The following SYK variants were observed in gnomAD, a reference collection of about 807,000 sequenced individuals.
SYK encodes spleen associated tyrosine kinase, also known as tyrosine-protein kinase SYK.
SYK carries 16 observed loss-of-function variants against 77.8 expected under a neutral mutation model. That is an observed-to-expected ratio of 0.21 (90% CI 0.14 to 0.31). The LOEUF (loss-of-function observed/expected upper bound fraction) is 0.31, where lower values mean the gene tolerates loss of function less well. SYK is among the 10% of genes least tolerant of loss of function. The probability of loss-of-function intolerance (pLI) is 1.00; values close to 1 mark genes in which losing one functional copy is unlikely to be tolerated. For missense variants in SYK, 529 were observed against 814.4 expected (o/e 0.65, Z 4.26); for synonymous variants, 312 against 308.7 (o/e 1.01, Z -0.11).
intron 1 of SYK, among the ~76,000 whole-genome samples, chr9:90,805,491 A>G (rs2613308): frequency 0.42 from 63,210 of 151,872 alleles, 13,836 homozygotes; most frequent in East Asian, 0.61. Flanking sequence ...ACTGTGAACT[A>G]GGGAGAGAAA....
At position 90,864,684 on chromosome 9, in the gene SYK, C is replaced by A. The variant is rs748869722; in HGVS notation, c.796+17C>A. Reference sequence around the variant, plus strand: ...GCACACAGGGTGAGTTCCCAAGACACTGGAGTCTCAGTGTTTGAGGTATCA... The same window carrying A: ...GCACACAGGGTGAGTTCCCAAGACAATGGAGTCTCAGTGTTTGAGGTATCA... On this transcript the variant is annotated intron_variant, in intron 5 of 13. Transcript: ENST00000375754. 6.2e-7 allele frequency: 1 copy of A among 1,607,922 alleles called. No individual in the cohort carries two copies. The highest frequency in any genetic ancestry group is 1.7e-5 in the Admixed American group (1 of 60,008).
intron 2 of SYK, 76 bp from the exon 3 acceptor site, chr9:90,845,358 T>C: frequency 6.7e-7 from 1 of 1,495,510 alleles, no homozygotes; most frequent in East Asian, 2.3e-5. Flanking sequence ...GGACTCGAGA[T>C]AGATTGGAAA....
chr9:90,871,813 G>A (rs1387213536), intron 7 of SYK, among the ~76,000 whole-genome samples: 1 of 152,184 alleles, frequency 6.6e-6, no homozygotes, highest in African/African-American at 2.4e-5. Flanking sequence ...GAGACATGAG[G>A]GTTCTTTGTG....
chr9:90,866,390 G>A (rs1827498285), intron 6 of SYK, among the ~76,000 whole-genome samples: 1 of 152,264 alleles, frequency 6.6e-6, no homozygotes, highest in South Asian at 2.1e-4. Context: ...GGCAGCACTT[G>A]TTATCAAATG....
chr9:90,875,573 T>C (rs1827894560), intron 9 of SYK, among the ~76,000 whole-genome samples: 1 of 152,200 alleles, frequency 6.6e-6, no homozygotes, highest in South Asian at 2.1e-4. Flanking sequence ...ATCATTCCAT[T>C]ATAACAATAG....
intron 1 of SYK, among the ~76,000 whole-genome samples, chr9:90,818,726 C>T (rs1336943111): frequency 6.6e-6 from 1 of 152,114 alleles, no homozygotes; most frequent in African/African-American, 2.4e-5. Context: ...AAGAACAGTC[C>T]CAATAAAGTG....
At chr9:90,871,467 A>C (rs895651954) in intron 7 of SYK, among the ~76,000 whole-genome samples, 1 of 152,246 alleles carries the variant, frequency 6.6e-6, no homozygotes, top group Non-Finnish European at 1.5e-5. Flanking sequence ...GTATTTTTAC[A>C]ATTTATCATT....
In SYK at chr9:90,862,350, C is replaced by T; in HGVS notation, c.717+6C>T. 1.2e-6 allele frequency: 2 copies of T among 1,612,820 alleles called. No individual in the cohort carries two copies. The highest frequency in any genetic ancestry group is 1.7e-6 in the Non-Finnish European group (2 of 1,179,190). Reference sequence around the variant, plus strand: ...AGTTCGACACGCTCTGGCAGGTACCCAGCCTCCTCTCCCCACCTTGTGGGT... The same window carrying T: ...AGTTCGACACGCTCTGGCAGGTACCTAGCCTCCTCTCCCCACCTTGTGGGT... On this transcript the variant is annotated splice_donor_region_variant and intron_variant, in intron 4 of 13. Transcript: ENST00000375754.
In SYK at chr9:90,895,615, G is replaced by T. The variant is rs1263472543; in HGVS notation, c.*15G>T. 1 of 1,612,498 alleles carries T rather than the reference G, an allele frequency of 6.2e-7. No homozygotes were observed. The highest frequency in any genetic ancestry group is 8.5e-7 in the Non-Finnish European group (1 of 1,178,718). On this transcript the variant is annotated 3_prime_UTR_variant, in exon 14 of 14. Transcript: ENST00000375754. The surrounding 1 kb of genome is among the most constrained non-coding windows in gnomAD (Gnocchi z 4.4). ...TGGTGAACTAACCGCTCCCGCACCTGTCGGTGGCTGCCTTTGATCACAGGA... is the reference window on the plus strand; with the variant it reads ...TGGTGAACTAACCGCTCCCGCACCTTTCGGTGGCTGCCTTTGATCACAGGA...
chr9:90,846,572 A>G (rs1215601086), intron 3 of SYK, among the ~76,000 whole-genome samples: 6 of 152,188 alleles, frequency 3.9e-5, no homozygotes, highest in Admixed American at 3.9e-4. Flanking sequence ...TCCTGGCAGG[A>G]GGATCGCTTC....
intron 1 of SYK, among the ~76,000 whole-genome samples, chr9:90,816,208 G>A (rs1039570010): frequency 1.1e-4 from 17 of 152,164 alleles, no homozygotes; most frequent in Non-Finnish European, 2.5e-4. Flanking sequence ...ACTGGGCTGG[G>A]CATTGGCAGT....
intron 1 of SYK, among the ~76,000 whole-genome samples, chr9:90,831,480 C>T (rs1306625815): frequency 2.0e-5 from 3 of 152,296 alleles, no homozygotes; most frequent in Admixed American, 2.0e-4. Context: ...CACAGTCTTA[C>T]ATAGAGATAA....
chr9:90,884,222 T>TACGTGTATATATAC lies in SYK; in HGVS notation c.1582-3525_1582-3524insGTGTATATATACAC, dbSNP rs1564120126. On this transcript the variant is annotated intron_variant, in intron 11 of 13. Transcript: ENST00000375754. Reference sequence around the variant, plus strand: ...ACATACGTGTATATATACACGCATATACACATACACATACGTGTATATATA... The same window carrying TACGTGTATATATAC: ...ACATACGTGTATATATACACGCATATACGTGTATATATACACACATACACATACGTGTATATATA... 1.8e-3 allele frequency among the ~76,000 whole-genome samples: 115 copies of TACGTGTATATATAC among 62,580 alleles called. 2 individuals carry two copies. The highest frequency in any genetic ancestry group is 0.015 in the East Asian group (15 of 976). The allele number at this position is 62,580 out of a possible 152,430, so 41.1% of individuals were successfully genotyped here.
chr9:90,842,750 A>G (rs951439009), intron 1 of SYK, among the ~76,000 whole-genome samples: 1 of 122,084 alleles, frequency 8.2e-6, no homozygotes, highest in Non-Finnish European at 1.7e-5. Flanking sequence ...TGCATGTGGT[A>G]TGGAGAGAGT....
chr9:90,850,611 T>C (rs1318351502), intron 3 of SYK, among the ~76,000 whole-genome samples: 1 of 152,102 alleles, frequency 6.6e-6, no homozygotes, highest in Non-Finnish European at 1.5e-5. Context: ...AGGATTTTAC[T>C]AGTTTGGTGG....
At chr9:90,866,090 G>A (rs536840872) in intron 6 of SYK, among the ~76,000 whole-genome samples, 1 of 152,134 alleles carries the variant, frequency 6.6e-6, no homozygotes, top group African/African-American at 2.4e-5. Context: ...TAGTAGAGAT[G>A]GGGTTTCACC....
At chr9:90,863,084 T>G (rs1370712055) in intron 4 of SYK, among the ~76,000 whole-genome samples, 2 of 152,228 alleles carry the variant, frequency 1.3e-5, no homozygotes, top group Non-Finnish European at 2.9e-5. Context: ...ACTAAAATAA[T>G]GCTCATCACT....
At position 90,883,679 on chromosome 9, in the gene SYK, A is replaced by G. The variant is rs1276044622; in HGVS notation, c.1582-4070A>G. 2.6e-5 allele frequency among the ~76,000 whole-genome samples: 4 copies of G among 152,082 alleles called. No individual in the cohort carries two copies. The East Asian group carries it at 7.7e-4, about 29-fold the overall frequency. On this transcript the variant is annotated intron_variant, in intron 11 of 13. Coordinates refer to ENST00000375754, the MANE Select transcript of SYK (RefSeq NM_003177.7). ...CATTGGCCTAGTCACATGCCCCAAT[A>G]CTTGAGCATGACATCCTGTTGCAGC...
intron 1 of SYK, among the ~76,000 whole-genome samples, chr9:90,823,965 C>A (rs1316318468): frequency 1.3e-5 from 2 of 151,426 alleles, no homozygotes; most frequent in Non-Finnish European, 2.9e-5. Context: ...AATGTTGGTT[C>A]TTTGAAATCA....
Sources: allele counts gnomAD v4.1 joint callset (sites outside exome capture counted in the v4.1 genomes callset), GRCh38; gene constraint gnomAD v4.1.1; non-coding constraint Gnocchi (gnomAD v3.1); transcripts MANE v1.5; gene names NCBI Gene and HGNC (gene_info 2026-07-23, HGNC 2026-07-21).